The following AOX1 variants were observed in gnomAD, a reference collection of about 807,000 sequenced individuals.
AOX1 encodes aldehyde oxidase 1, also known as aldehyde oxidase.
In AOX1, 153 loss-of-function variants were observed where a neutral mutation model predicts 169.5. That is an observed-to-expected ratio of 0.90 (90% CI 0.79 to 1.03). AOX1 has a LOEUF of 1.03. Among genes scored for constraint, AOX1 ranks in the 50% least tolerant of loss-of-function variants. The probability of loss-of-function intolerance (pLI) is 0.00; values close to 1 mark genes in which losing one functional copy is unlikely to be tolerated. For missense variants in AOX1, 1,656 were observed against 1,663.9 expected (o/e 1.00, Z 0.08); for synonymous variants, 562 against 581.9 (o/e 0.97, Z 0.49).
chr2:200,682,088 T>C, the AOX1 span, among the ~76,000 whole-genome samples: 2 of 152,356 alleles, frequency 1.3e-5, no homozygotes, highest in East Asian at 3.9e-4. Context: ...ATATTTCCAC[T>C]GTTTTGTCCT....
chr2:200,629,839 A>C (rs2035079000), intron 20 of AOX1, among the ~76,000 whole-genome samples: 1 of 152,148 alleles, frequency 6.6e-6, no homozygotes, highest in Non-Finnish European at 1.5e-5. Flanking sequence ...TATCTAATTC[A>C]ATTAGGTGAT....
At chr2:200,609,516 A>T in intron 12 of AOX1, 102 bp downstream of exon 12, 1 of 923,398 alleles carries the variant, frequency 1.1e-6, no homozygotes. Flanking sequence ...TTTTCCCTAT[A>T]ATATCAATAC....
At chr2:200,598,141 G>T (rs934143713) in intron 4 of AOX1, among the ~76,000 whole-genome samples, 1 of 151,592 alleles carries the variant, frequency 6.6e-6, no homozygotes, top group African/African-American at 2.4e-5. Flanking sequence ...GAGAGAGGAG[G>T]GAGGAAGGGA....
At chr2:200,630,594 G>GGAAGGAAGGAAGGAAA (rs2035104028) in intron 20 of AOX1, among the ~76,000 whole-genome samples, 1 of 138,520 alleles carries the variant, frequency 7.2e-6, no homozygotes, top group Non-Finnish European at 1.6e-5. Flanking sequence ...AAGGAAGGAA[G>GGAAGGAAGGAAGGAAA]GAAGGAGGGG....
At chr2:200,670,559 G>A (rs111245233) in intron 34 of AOX1, 70 bp from the exon 35 acceptor site, 43 of 1,361,856 alleles carry the variant, frequency 3.2e-5, no homozygotes, top group Middle Eastern at 3.6e-4. Flanking sequence ...CCTACTTTAT[G>A]TTCTTCTATT....
chr2:200,619,963 T>A (rs915751379), intron 16 of AOX1, among the ~76,000 whole-genome samples: 4 of 152,184 alleles, frequency 2.6e-5, no homozygotes, highest in African/African-American at 7.2e-5. Flanking sequence ...AACAGTAAAG[T>A]CATTTTGATA....
intron 6 of AOX1, 47 bp downstream of exon 6, chr2:200,602,392 CG>C (rs1559233315): frequency 2.6e-6 from 4 of 1,543,880 alleles, no homozygotes; most frequent in South Asian, 2.3e-5. Flanking sequence ...CCCAGTGAAA[CG>C]AAATGGTAAT....
chr2:200,656,967 G>T (rs1284345843), intron 27 of AOX1, 30 bp downstream of exon 27: 4 of 1,431,754 alleles, frequency 2.8e-6, no homozygotes, highest in Non-Finnish European at 1.9e-6. Flanking sequence ...GATTGAGTTG[G>T]GTGTGTGCTT....
chr2:200,661,149 GT>G (rs2035811371), intron 29 of AOX1, among the ~76,000 whole-genome samples: 1 of 152,160 alleles, frequency 6.6e-6, no homozygotes, highest in African/African-American at 2.4e-5. Context: ...AAACAAATGT[GT>G]CCAGAAAGGA....
At chr2:200,641,908 T>A (rs906640254) in intron 24 of AOX1, among the ~76,000 whole-genome samples, 11 of 151,988 alleles carry the variant, frequency 7.2e-5, no homozygotes, top group Non-Finnish European at 1.6e-4. Flanking sequence ...TTTGGGAGGC[T>A]GAGGTGGGTG....
At chr2:200,624,690 G>A (rs2034965265) in intron 19 of AOX1, among the ~76,000 whole-genome samples, 2 of 152,170 alleles carry the variant, frequency 1.3e-5, no homozygotes, top group African/African-American at 2.4e-5. Context: ...CTGGAGAATT[G>A]CATTTTCTAT....
chr2:200,593,059 A>G (rs1304077249), intron 1 of AOX1, 87 bp from the exon 2 acceptor site: 23 of 1,026,140 alleles, frequency 2.2e-5, no homozygotes, highest in Admixed American at 5.3e-5. Flanking sequence ...GCTAATTAAC[A>G]TGCATTTCCC....
intron 16 of AOX1, among the ~76,000 whole-genome samples, chr2:200,617,911 C>T (rs946625723): frequency 2.0e-5 from 3 of 152,052 alleles, no homozygotes; most frequent in Non-Finnish European, 2.9e-5. Flanking sequence ...CCTGGTAGAA[C>T]CTCATTGTTG....
chr2:200,613,796 C>G lies in AOX1; in HGVS notation c.1449-8C>G. ...TCAGGCTAGGAGTCTTCTCTTTGGACTTTCCAGGCACTGGAACGAACAGAT... is the reference window on the plus strand; with the variant it reads ...TCAGGCTAGGAGTCTTCTCTTTGGAGTTTCCAGGCACTGGAACGAACAGAT... On this transcript the variant is annotated splice_polypyrimidine_tract_variant and splice_region_variant and intron_variant, in intron 14 of 34. Transcript: ENST00000374700. The G allele has an allele frequency of 6.2e-7, 1 of 1,609,640 alleles. No homozygotes were observed. Among genetic ancestry groups the G allele is most frequent in the Admixed American group, 1.7e-5 (1 of 59,554 alleles).
intron 21 of AOX1, among the ~76,000 whole-genome samples, 176 bp from the exon 22 acceptor site, chr2:200,636,735 C>A (rs1369289081): frequency 6.6e-6 from 1 of 152,168 alleles, no homozygotes; most frequent in African/African-American, 2.4e-5. Flanking sequence ...CATAACCACA[C>A]AGTATGGGTA....
chr2:200,657,165 A>AATATATATATATATATATATAT (rs1553578034), intron 27 of AOX1, among the ~76,000 whole-genome samples: 2 of 88,404 alleles, frequency 2.3e-5, no homozygotes, highest in Admixed American at 1.4e-4. Context: ...CTCTACCAAA[A>AATATATATATATATATATATAT]ATATATATAT....
chr2:200,664,817 T>C (rs1679654875), intron 31 of AOX1, among the ~76,000 whole-genome samples: 1 of 152,218 alleles, frequency 6.6e-6, no homozygotes, highest in Non-Finnish European at 1.5e-5. Context: ...CAGTTACCTG[T>C]TCTGTACAAC....
chr2:200,629,183 A>C lies in AOX1; in HGVS notation c.2221+1734A>C, dbSNP rs561235266. 4.6e-5 allele frequency among the ~76,000 whole-genome samples: 7 copies of C among 152,276 alleles called. No homozygotes were observed. The East Asian group carries it at 7.7e-4, about 17-fold the overall frequency. The stretch of plus-strand genomic sequence containing the variant: ...GTCACCTGAAAGCTGTAGGAAAGAC[A>C]CCTGGAACTGTCACCTACCAGTTTT... On this transcript the variant is annotated intron_variant, in intron 20 of 34. Transcript: ENST00000374700.
rs771969992 is a variant in AOX1, at chr2:200,659,780, TCTCTCTCACACA to T, written c.3301-213_3301-202del. ...TTAGCATGGCTTACAAGGCCAGTTC[TCTCTCTCACACA>T]CACACACACACACACACACACACAC... On this transcript the variant is annotated intron_variant, in intron 28 of 34. Coordinates refer to ENST00000374700, the MANE Select transcript of AOX1 (RefSeq NM_001159.4). Among the ~76,000 whole-genome samples, 3 of 78,576 alleles carry T rather than the reference TCTCTCTCACACA, an allele frequency of 3.8e-5. No homozygotes were observed. The Admixed American group carries it at 4.9e-4, about 13-fold the overall frequency. The allele number at this position is 78,576 out of a possible 152,430, so 51.5% of individuals were successfully genotyped here. A position where few individuals can be genotyped will look rare whatever the true frequency, so the allele number is the denominator to read the frequency against.
Sources: gnomAD v4.1 joint callset for allele counts (sites outside exome capture counted in the v4.1 genomes callset) on GRCh38, gnomAD v4.1.1 for gene constraint, MANE v1.5 for transcripts, NCBI Gene and HGNC (gene_info 2026-07-23, HGNC 2026-07-21) for gene names.